The following MYCBP variants were observed in gnomAD, a reference collection of about 807,000 sequenced individuals.
MYCBP encodes the protein MYC binding protein, also known as C-Myc-binding protein.
In MYCBP, 5 loss-of-function variants were observed where a neutral mutation model predicts 16.8. The ratio of observed to expected loss-of-function variants is 0.30; its 90% confidence interval spans 0.16 to 0.63. The LOEUF is 0.63. Among genes scored for constraint, MYCBP ranks in the 20% least tolerant of loss-of-function variants. The pLI is 0.83. For synonymous variants in MYCBP, 35 were observed against 43.7 expected, an observed-to-expected ratio of 0.80 and a Z score of 0.79; for missense variants, 103 against 121.8, an observed-to-expected ratio of 0.85 and a Z score of 0.73.
chr1:38,867,431 T>G (rs1229819231), intron 3 of MYCBP, 131 bp downstream of exon 3: 1 of 779,070 alleles, frequency 1.3e-6, no homozygotes, highest in Admixed American at 3.1e-5. Flanking sequence ...CAGGTGACAG[T>G]ACAAGACTCC....
Position 38,863,824 on chromosome 1 carries a change from CTA to C in MYCBP, c.*844_*845del. The C allele has an allele frequency of 6.5e-6, 1 of 152,698 alleles. No homozygotes were observed. The highest frequency in any genetic ancestry group is 1.9e-4 in the East Asian group (1 of 5,190). The allele number at this position is 152,698 out of a possible 1,614,324, so 9.5% of individuals were successfully genotyped here. ...AGCACTATATAATTATACCTACAAA[CTA>C]TGATTTTCCCCAATATATGGCTCAT... On this transcript the variant is annotated 3_prime_UTR_variant, in exon 5 of 5. Coordinates refer to ENST00000397572, the MANE Select transcript of MYCBP (RefSeq NM_012333.5).
chr1:38,873,135 C>A, intron 1 of MYCBP, 45 bp from the exon 2 acceptor site: 1 of 1,552,890 alleles, frequency 6.4e-7, no homozygotes, highest in Non-Finnish European at 8.7e-7. Flanking sequence ...GGGAGCCGAG[C>A]AGGAAGAAGG....
chr1:38,868,199 C>T (rs1435969518), intron 2 of MYCBP, among the ~76,000 whole-genome samples: 2 of 152,150 alleles, frequency 1.3e-5, no homozygotes, highest in African/African-American at 4.8e-5. Context: ...AGTTAAAAGG[C>T]TGATGTGGTA....
Position 38,873,345 on chromosome 1 carries a change from G to T in MYCBP, c.-40C>A. ...CGGCGTAGCTGGCGCCGGAGACCGC[G>T]ACTGGCGGGTTGGGAGCAGCACTGC... On this transcript the variant is annotated 5_prime_UTR_variant, in exon 1 of 5. Coordinates refer to ENST00000397572, the MANE Select transcript of MYCBP (RefSeq NM_012333.5). 2.5e-6 allele frequency: 4 copies of T among 1,594,694 alleles called. No homozygotes were observed. The highest frequency in any genetic ancestry group is 2.7e-5 in the African/African-American group (2 of 74,938).
chr1:38,864,483 T>G lies in MYCBP; in HGVS notation c.*187A>C. The G allele has an allele frequency of 1.5e-6, 1 of 649,214 alleles. No individual in the cohort carries two copies. 40.2% of individuals were successfully genotyped at this position (649,214 alleles called of 1,614,324 possible). On this transcript the variant is annotated 3_prime_UTR_variant, in exon 5 of 5. Coordinates refer to ENST00000397572, the MANE Select transcript of MYCBP (RefSeq NM_012333.5). ...CAGGATTTACTTTGGATTCTCCTGC[T>G]TTAAGACCCAAAGAAAGTTATATTG...
At position 38,873,031 on chromosome 1, in the gene MYCBP, G is replaced by A. The variant is rs780573896; in HGVS notation, c.75C>T (p.Asp25=). The change falls in exon 2 of 5, where the codon GAC becomes GAT. Residue 25 remains aspartate (D), a synonymous_variant. Coordinates refer to ENST00000397572, the MANE Select transcript of MYCBP (RefSeq NM_012333.5). The stretch of plus-strand genomic sequence containing the variant: ...GCCCAGGCTCACCCTTGGTCAGCGT[G>A]TCCAGCACCCCCGACTTCTCCAAGT... ...RRYLEKSGVL[D]TLTKVLVALY... 1.3e-6 allele frequency: 2 copies of A among 1,576,364 alleles called. No homozygotes were observed. Among genetic ancestry groups the A allele is most frequent in the Non-Finnish European group, 8.6e-7 (1 of 1,161,236 alleles).
chr1:38,867,694 T>TAGG, intron 2 of MYCBP, 84 bp from the exon 3 acceptor site: 1 of 1,188,458 alleles, frequency 8.4e-7, no homozygotes, highest in Non-Finnish European at 1.3e-6. Flanking sequence ...CAGTAAATAT[T>TAGG]AGGTGCCAAC....
chr1:38,869,093 TG>T (rs889702126), intron 2 of MYCBP, among the ~76,000 whole-genome samples: 2 of 151,130 alleles, frequency 1.3e-5, no homozygotes, highest in African/African-American at 2.4e-5. Context: ...TTTTTTTTTT[TG>T]TTTTTTTTTT....
chr1:38,868,632 G>A (rs184874262), intron 2 of MYCBP, among the ~76,000 whole-genome samples: 118 of 152,278 alleles, frequency 7.7e-4, no homozygotes, highest in Admixed American at 6.3e-3. Context: ...GTGGCTGGGC[G>A]CAGTGGCTCA....
chr1:38,870,799 C>CAAAAAAAAAA (rs60684785), intron 2 of MYCBP, among the ~76,000 whole-genome samples: 4 of 60,684 alleles, frequency 6.6e-5, no homozygotes, highest in African/African-American at 1.3e-4. Flanking sequence ...GACTCCGTCT[C>CAAAAAAAAAA]AAAAAAAAAA....
rs1473856486 is a variant in MYCBP at position 38,867,076 on chromosome 1, A to G, written c.138-67T>C. On this transcript the variant is annotated intron_variant, in intron 3 of 4. Transcript: ENST00000397572. ...AACTAATGAAATAGCACAGAGTAGT[A>G]TCAATATCCCTGACCAGAGTCACCC... is the stretch of plus-strand genomic sequence containing the variant. 4 of 1,439,606 alleles carry G rather than the reference A, an allele frequency of 2.8e-6. No homozygotes were observed. In the Admixed American group the frequency reaches 5.6e-5, roughly 20 times the overall value. 89.2% of individuals were successfully genotyped at this position (1,439,606 alleles called of 1,614,324 possible). A position where few individuals can be genotyped will look rare whatever the true frequency, so the allele number is the denominator to read the frequency against.
Position 38,868,825 on chromosome 1 carries a change from C to G in MYCBP, c.89-1215G>C, listed in dbSNP as rs578200875. 6.6e-5 allele frequency among the ~76,000 whole-genome samples: 10 copies of G among 152,040 alleles called. No homozygotes were observed. In the East Asian group the frequency reaches 9.7e-4, roughly 15 times the overall value. On this transcript the variant is annotated intron_variant, in intron 2 of 4. Transcript: ENST00000397572. ...GGAGGCTGAGGCAGGAGAATGGCGT[C>G]AACCCAGGAGGCGGAGCTTGCAGTG... is the stretch of plus-strand genomic sequence containing the variant.
In MYCBP at chr1:38,866,790, C is replaced by T. The variant is rs527550388; in HGVS notation, c.267+90G>A. On this transcript the variant is annotated intron_variant, in intron 4 of 4. Coordinates refer to ENST00000397572, the MANE Select transcript of MYCBP (RefSeq NM_012333.5). ...AATTCAAATTGATATTCACCCACCT[C>T]CCTCCCCTCCTGTCCATTTCAGTGA... The T allele has an allele frequency of 2.5e-5, 26 of 1,049,210 alleles. No homozygotes were observed. The South Asian group carries it at 3.1e-4, about 13-fold the overall frequency. The allele number at this position is 1,049,210 out of a possible 1,614,324, so 65.0% of individuals were successfully genotyped here. A position where few individuals can be genotyped will look rare whatever the true frequency, so the allele number is the denominator to read the frequency against.
intron 2 of MYCBP, chr1:38,872,508 TGACACA>T (rs1218140199): frequency 6.4e-6 from 1 of 155,264 alleles, no homozygotes; most frequent in Non-Finnish European, 1.4e-5. Flanking sequence ...AAATAAGAAT[TGACACA>T]GACAGACTAA....
chr1:38,871,692 C>A (rs1292775834), intron 2 of MYCBP, among the ~76,000 whole-genome samples: 1 of 151,952 alleles, frequency 6.6e-6, no homozygotes, highest in African/African-American at 2.4e-5. Context: ...AGATTACAGG[C>A]ATGAGCCACG....
At chr1:38,871,427 C>CTTTTTTT (rs71573793) in intron 2 of MYCBP, among the ~76,000 whole-genome samples, 3 of 110,606 alleles carry the variant, frequency 2.7e-5, no homozygotes, top group Non-Finnish European at 3.6e-5. Context: ...CCACCTGTCA[C>CTTTTTTT]TTTTTTTTTT....
intron 4 of MYCBP, among the ~76,000 whole-genome samples, chr1:38,866,661 C>G (rs1186225822): frequency 1.3e-5 from 2 of 152,078 alleles, no homozygotes; most frequent in Non-Finnish European, 2.9e-5. Context: ...GTGATCTACC[C>G]ACCTCGGCCT....
chr1:38,873,258 C>T (rs1221678269), intron 1 of MYCBP, 33 bp downstream of exon 1: 2 of 1,598,462 alleles, frequency 1.3e-6, no homozygotes, highest in Admixed American at 3.4e-5. Context: ...TGCTACCGCC[C>T]GCATGCCCCC....
At chr1:38,865,737 G>C (rs1243604525) in intron 4 of MYCBP, among the ~76,000 whole-genome samples, 1 of 152,138 alleles carries the variant, frequency 6.6e-6, no homozygotes, top group Non-Finnish European at 1.5e-5. Flanking sequence ...GGGAAGTCAA[G>C]GCTGCAGTGA....
Sources: allele counts gnomAD v4.1 joint callset (sites outside exome capture counted in the v4.1 genomes callset), GRCh38; gene constraint gnomAD v4.1.1; transcripts MANE v1.5; gene names NCBI Gene and HGNC (gene_info 2026-07-23, HGNC 2026-07-21).